The following LRGUK variants were observed in gnomAD, a reference collection of about 807,000 sequenced individuals.
The protein encoded by LRGUK is leucine rich repeats and guanylate kinase domain containing.
LRGUK carries 65 observed loss-of-function variants against 76.0 expected under a neutral mutation model. That is an observed-to-expected ratio of 0.85 (90% confidence interval 0.70 to 1.05). The LOEUF is 1.05. LRGUK is among the 50% of genes least tolerant of loss of function. LRGUK has a pLI of 0.00. For synonymous variants in LRGUK, 268 were observed against 265.6 expected (o/e 1.01, Z -0.09); for missense variants, 758 against 732.8 (o/e 1.03, Z -0.40).
At chr7:134,212,068 C>T (rs1801296655), downstream of LRGUK, among the ~76,000 whole-genome samples, 1 of 152,190 alleles carries the variant, frequency 6.6e-6, no homozygotes, top group Non-Finnish European at 1.5e-5. Context: ...ACCAGCAGCT[C>T]TCAAGCCCAT....
At chr7:134,139,590 T>A in intron 3 of LRGUK, 73 bp downstream of exon 3, 2 of 907,296 alleles carry the variant, frequency 2.2e-6, no homozygotes, top group Non-Finnish European at 3.5e-6. Flanking sequence ...TAATATGGTT[T>A]AATAATGCCA....
intron 16 of LRGUK, among the ~76,000 whole-genome samples, chr7:134,242,557 A>G (rs1802189676): frequency 6.6e-6 from 1 of 152,336 alleles, no homozygotes. Context: ...TGCGGCAATA[A>G]TTAATAGCCT....
chr7:134,231,503 C>T (rs1468743492), intron 16 of LRGUK, among the ~76,000 whole-genome samples: 1 of 149,144 alleles, frequency 6.7e-6, no homozygotes, highest in Non-Finnish European at 1.5e-5. Flanking sequence ...TTCCTTCCTT[C>T]GTTCCTTCCT....
At chr7:134,248,885 G>A in intron 17 of LRGUK, 66 bp from the exon 18 acceptor site, 1 of 1,265,298 alleles carries the variant, frequency 7.9e-7, no homozygotes, top group Non-Finnish European at 1.0e-6. Flanking sequence ...AGGTATACAT[G>A]TGTGTACACT....
At chr7:134,192,556 A>C (rs1436636626) in intron 12 of LRGUK, among the ~76,000 whole-genome samples, 2 of 152,176 alleles carry the variant, frequency 1.3e-5, no homozygotes, top group Non-Finnish European at 2.9e-5. Context: ...ATTTTCTTCA[A>C]AACAACTTAT....
intron 16 of LRGUK, among the ~76,000 whole-genome samples, chr7:134,228,145 C>T (rs1801806125): frequency 6.6e-6 from 1 of 152,050 alleles, no homozygotes; most frequent in Non-Finnish European, 1.5e-5. Context: ...AAAGTAATAA[C>T]AATTAGGTTG....
At chr7:134,226,157 C>CT (rs1466397322) in intron 16 of LRGUK, among the ~76,000 whole-genome samples, 1 of 151,082 alleles carries the variant, frequency 6.6e-6, no homozygotes, top group African/African-American at 2.4e-5. Flanking sequence ...TTTATATTTT[C>CT]TTTTGCAAAC....
chr7:134,143,576 G>A (rs1014511412), intron 4 of LRGUK, among the ~76,000 whole-genome samples: 1 of 152,166 alleles, frequency 6.6e-6, no homozygotes, highest in African/African-American at 2.4e-5. Flanking sequence ...GGGACATATA[G>A]CGGAATAACT....
At chr7:134,158,102 CAAT>C in exon 6 of LRGUK, 1 of 1,613,100 alleles carries the variant, frequency 6.2e-7, no homozygotes, top group Non-Finnish European at 8.5e-7. Context: ...GTTTGGCCAA[CAAT>C]AAGATCACGA....
downstream of LRGUK, among the ~76,000 whole-genome samples, chr7:134,269,009 G>A (rs958274614): frequency 6.6e-6 from 1 of 151,708 alleles, no homozygotes; most frequent in Non-Finnish European, 1.5e-5. Context: ...GGGATTACAG[G>A]CATGAGCCAC....
intron 15 of LRGUK, 24 bp downstream of exon 15, chr7:134,201,600 C>A: frequency 1.3e-6 from 2 of 1,566,208 alleles, no homozygotes; most frequent in South Asian, 1.2e-5. Flanking sequence ...ATTTTTGTGC[C>A]AGGATTTTTT....
At chr7:134,133,772 G>A (rs530102606) in intron 1 of LRGUK, among the ~76,000 whole-genome samples, 18 of 152,226 alleles carry the variant, frequency 1.2e-4, no homozygotes, top group Admixed American at 4.6e-4. Context: ...TTGAAATTGC[G>A]TATGGGTCCA....
At chr7:134,157,484 G>A (rs943848424) in intron 5 of LRGUK, among the ~76,000 whole-genome samples, 6 of 152,184 alleles carry the variant, frequency 3.9e-5, no homozygotes, top group Non-Finnish European at 8.8e-5. Flanking sequence ...TTTTCTTTCC[G>A]TACTGATTAA....
chr7:134,238,449 A>T (rs2117187774), intron 16 of LRGUK, among the ~76,000 whole-genome samples: 1 of 151,984 alleles, frequency 6.6e-6, no homozygotes, highest in Middle Eastern at 3.4e-3. Flanking sequence ...TTTATTTAAA[A>T]TTTTTTAGCC....
intron 16 of LRGUK, among the ~76,000 whole-genome samples, chr7:134,236,003 TAAG>T (rs1356144088): frequency 6.6e-6 from 1 of 152,230 alleles, no homozygotes; most frequent in Non-Finnish European, 1.5e-5. Flanking sequence ...TATTAATAGG[TAAG>T]AAGCACAGTG....
intron 18 of LRGUK, among the ~76,000 whole-genome samples, chr7:134,253,141 T>C (rs1185905869): frequency 2.0e-5 from 3 of 152,184 alleles, no homozygotes; most frequent in Admixed American, 6.5e-5. Flanking sequence ...ACATTGGAAC[T>C]ACAGAAAAGA....
intron 5 of LRGUK, among the ~76,000 whole-genome samples, chr7:134,150,996 C>T (rs1454753678): frequency 6.6e-6 from 1 of 152,126 alleles, no homozygotes; most frequent in Non-Finnish European, 1.5e-5. Context: ...AATCATTCAT[C>T]AACTATTAAT....
At chr7:134,201,385 A>ATT in intron 14 of LRGUK, 96 bp from the exon 15 acceptor site, 1 of 928,540 alleles carries the variant, frequency 1.1e-6, no homozygotes, top group Non-Finnish European at 1.7e-6. Context: ...TATATATAAA[A>ATT]TTAAATGCAG....
chr7:134,264,069 C>A lies in LRGUK; in HGVS notation c.*94C>A, dbSNP rs536443158. ...TGGCCATGGGTCCAGCTGTTTCTCA[C>A]TCAACCCATTACCCACGGAAGAATG... On this transcript the variant is annotated 3_prime_UTR_variant, in exon 20 of 20. Transcript: ENST00000285928. 20 of 1,290,932 alleles carry A rather than the reference C, an allele frequency of 1.5e-5. No individual in the cohort carries two copies. The African/African-American group carries it at 2.9e-4, about 19-fold the overall frequency. The allele number at this position is 1,290,932 out of a possible 1,614,324, so 80.0% of individuals were successfully genotyped here.
Sources: gnomAD v4.1 joint callset for allele counts (sites outside exome capture counted in the v4.1 genomes callset) on GRCh38, gnomAD v4.1.1 for gene constraint, MANE v1.5 for transcripts, NCBI Gene and HGNC (gene_info 2026-07-23, HGNC 2026-07-21) for gene names.